The following RREB1 variants were observed in gnomAD, a reference collection of about 807,000 sequenced individuals.
RREB1 encodes the protein ras-responsive element-binding protein 1.
A neutral mutation model predicts 117.8 loss-of-function variants in RREB1; 27 were observed. That is an observed-to-expected ratio of 0.23 (90% CI 0.17 to 0.32). The LOEUF is 0.32. Among genes scored for constraint, RREB1 ranks in the 10% least tolerant of loss-of-function variants. The pLI, the probability that RREB1 is intolerant of heterozygous loss-of-function variation, is 1.00. For missense variants in RREB1, 2,577 were observed against 2,378.2 expected (o/e 1.08, Z -1.74); for synonymous variants, 1,298 against 1,026.7 (o/e 1.26, Z -5.05).
Position 7,229,254 on chromosome 6 carries a change from G to A in RREB1, c.1155G>A (p.Pro385=), listed in dbSNP as rs371245191. The change falls in exon 10 of 13, where the codon CCG becomes CCA. Residue 385 remains proline (P), a synonymous_variant. Transcript: ENST00000379938. This position sits in a 1 kb window ranked among gnomAD's most constrained non-coding sequence, Gnocchi z 4.5. ...VRPAPAEEPL[P]DDNQAIQLQT... ...CTGCCCCCGCCGAGGAGCCCCTGCC[G>A]GATGACAACCAGGCAATTCAGCTCC... The A allele has an allele frequency of 2.5e-5, 40 of 1,613,910 alleles. No homozygotes were observed. The highest frequency in any genetic ancestry group is 3.1e-5 in the Non-Finnish European group (37 of 1,179,998).
intron 6 of RREB1, among the ~76,000 whole-genome samples, chr6:7,207,345 G>A (rs2113609108): frequency 6.6e-6 from 1 of 152,320 alleles, no homozygotes; most frequent in South Asian, 2.1e-4. Context: ...CACCAACGAT[G>A]GGAGAGTACC....
chr6:7,131,908 G>A (rs993769952), intron 1 of RREB1, among the ~76,000 whole-genome samples: 1 of 151,972 alleles, frequency 6.6e-6, no homozygotes, highest in Non-Finnish European at 1.5e-5. Flanking sequence ...ATCCAGGCTG[G>A]AGTGCAGTGG....
chr6:7,231,415 G>C lies in RREB1; in HGVS notation c.3316G>C (p.Gly1106Arg), dbSNP rs147683490. The C allele has an allele frequency of 1.2e-6, 2 of 1,613,410 alleles. No individual in the cohort carries two copies. Among genetic ancestry groups the C allele is most frequent in the Non-Finnish European group, 8.5e-7 (1 of 1,179,886 alleles). The change falls in exon 10 of 13, where the codon GGT becomes CGT. Residue 1106 changes from glycine to arginine, a missense_variant. Transcript: ENST00000379938. Reference protein sequence around the residue: ...SNTTASDSLGGSVPKAATTAT... With the variant: ...SNTTASDSLGRSVPKAATTAT... ...CACCACGGCTTCAGACAGCTTAGGA[G>C]GTTCTGTCCCCAAAGCCGCCACCAC...
intron 1 of RREB1, among the ~76,000 whole-genome samples, chr6:7,167,965 G>A (rs1368529797): frequency 6.6e-6 from 1 of 151,544 alleles, no homozygotes; most frequent in Non-Finnish European, 1.5e-5. Context: ...CAAAATTTAA[G>A]ACTCCCCATG....
At chr6:7,224,873 C>T (rs1014960460) in intron 8 of RREB1, among the ~76,000 whole-genome samples, 10 of 152,076 alleles carry the variant, frequency 6.6e-5, no homozygotes, top group African/African-American at 2.2e-4. Flanking sequence ...CATGGGAACC[C>T]GGGTTTGGGG....
intron 1 of RREB1, among the ~76,000 whole-genome samples, chr6:7,128,508 C>T (rs1302305857): frequency 2.0e-5 from 3 of 152,100 alleles, no homozygotes; most frequent in African/African-American, 7.2e-5. Flanking sequence ...CTGTTATTTT[C>T]TCCTTTTTAA....
intron 12 of RREB1, 123 bp from the exon 13 acceptor site, chr6:7,248,388 G>T: frequency 3.9e-6 from 3 of 767,140 alleles, no homozygotes; most frequent in Non-Finnish European, 6.4e-6. Flanking sequence ...GCCTCTGGCT[G>T]AGTAGGACGG....
chr6:7,117,149 C>T (rs534272411), intron 1 of RREB1, among the ~76,000 whole-genome samples: 2 of 152,198 alleles, frequency 1.3e-5, no homozygotes, highest in Admixed American at 1.3e-4. Context: ...GCAGTATACA[C>T]GTGGTAATAG....
At chr6:7,174,029 CT>C (rs1764371159) in intron 1 of RREB1, among the ~76,000 whole-genome samples, 1 of 152,172 alleles carries the variant, frequency 6.6e-6, no homozygotes, top group Non-Finnish European at 1.5e-5. Flanking sequence ...CCTCCGTTGA[CT>C]TTGCGTAAAT....
Position 7,192,116 on chromosome 6 carries a change from A to ATTTTTTTTTTTTTTTTT in RREB1, c.425+2805_425+2821dup, listed in dbSNP as rs34074532. 5.2e-4 allele frequency among the ~76,000 whole-genome samples: 8 copies of ATTTTTTTTTTTTTTTTT among 15,318 alleles called. 1 individual carries two copies. Among genetic ancestry groups the ATTTTTTTTTTTTTTTTT allele is most frequent in the African/African-American group, 1.8e-3 (6 of 3,352 alleles). 10.0% of individuals were successfully genotyped at this position (15,318 alleles called of 152,430 possible). On this transcript the variant is annotated intron_variant, in intron 6 of 12. Transcript: ENST00000379938. ...AAAAGGTATTGGATTTTGTCAGATG[A>ATTTTTTTTTTTTTTTTT]TTTTTTTTTTTTTTTTTTTTTTTTT...
In RREB1 at chr6:7,229,505, A is replaced by C; in HGVS notation, c.1406A>C (p.Asp469Ala). Residue 469 changes from aspartate (D) to alanine (A), a missense_variant, in exon 10 of 13, where the codon GAC (aspartate) becomes GCC (alanine). Physicochemically the swap from Asp to Ala is moderately radical, Grantham distance 126. Transcript: ENST00000379938. This position sits in a 1 kb window ranked among gnomAD's most constrained non-coding sequence, Gnocchi z 4.5. ...GGCGAGTCGGCCATCGAGCTGGCAGACATCCAGCAAATTCTGAAGATGGCA... is the reference window on the plus strand; with the variant it reads ...GGCGAGTCGGCCATCGAGCTGGCAGCCATCCAGCAAATTCTGAAGATGGCA... ...ISGESAIELA[D>A]IQQILKMAAS... is the part of the protein sequence containing the mutation. 3.1e-6 allele frequency: 5 copies of C among 1,614,148 alleles called. No homozygotes were observed. The highest frequency in any genetic ancestry group is 4.2e-6 in the Non-Finnish European group (5 of 1,180,018).
At position 7,246,956 on chromosome 6, in the gene RREB1, G is replaced by A. The variant is rs1186352047; in HGVS notation, c.4506G>A (p.Glu1502=). The A allele has an allele frequency of 1.3e-6, 2 of 1,565,940 alleles. No homozygotes were observed. Among genetic ancestry groups the A allele is most frequent in the Non-Finnish European group, 1.7e-6 (2 of 1,156,904 alleles). ...PAPEQEEKPP[E]TPAEVVESAP... ...CTGAACAGGAGGAGAAGCCCCCCGA[G>A]ACCCCGGCAGAGGTGGTGGAGTCGG... The change falls in exon 12 of 13, where the codon GAG becomes GAA. Residue 1502 remains glutamate, a synonymous_variant. Transcript: ENST00000379938.
intron 1 of RREB1, among the ~76,000 whole-genome samples, chr6:7,126,188 G>GAT (rs1561730692): frequency 3.3e-5 from 5 of 152,072 alleles, no homozygotes; most frequent in South Asian, 2.1e-4. Context: ...TTTTAGTAGA[G>GAT]GCTGGGTTTC....
chr6:7,200,230 ATGTATGTGTG>A (rs1389577315), intron 6 of RREB1, among the ~76,000 whole-genome samples: 3 of 142,708 alleles, frequency 2.1e-5, no homozygotes, highest in African/African-American at 7.8e-5. Flanking sequence ...ATATATATAT[ATGTATGTGTG>A]TATATGTGTG....
intron 10 of RREB1, among the ~76,000 whole-genome samples, chr6:7,238,571 T>C (rs1026103272): frequency 1.1e-4 from 16 of 152,106 alleles, no homozygotes. Flanking sequence ...CCATGAACAC[T>C]GACATACTGT....
At chr6:7,226,936 G>C (rs1445882070) in intron 9 of RREB1, among the ~76,000 whole-genome samples, 1 of 152,150 alleles carries the variant, frequency 6.6e-6, no homozygotes, top group Non-Finnish European at 1.5e-5. Context: ...TTGGGTCTTT[G>C]AGGTTTAAGT....
intron 11 of RREB1, among the ~76,000 whole-genome samples, chr6:7,245,124 G>A (rs776999643): frequency 4.9e-4 from 74 of 152,336 alleles, no homozygotes; most frequent in Non-Finnish European, 1.9e-4. Flanking sequence ...GGCCGGGCAC[G>A]GTGGCTCACG....
chr6:7,235,570 A>G (rs1561802137), intron 10 of RREB1, among the ~76,000 whole-genome samples: 1 of 152,140 alleles, frequency 6.6e-6, no homozygotes, highest in Non-Finnish European at 1.5e-5. Context: ...TTTGCAAAGT[A>G]TTGGGATTTT....
rs186995014 is a variant in RREB1, at chr6:7,179,941, T to G, written c.-165-1183T>G. Among the ~76,000 whole-genome samples, 31 of 152,274 alleles carry G rather than the reference T, an allele frequency of 2.0e-4. 1 individual carries two copies. In the East Asian group the frequency reaches 5.8e-3, roughly 28 times the overall value. On this transcript the variant is annotated intron_variant, in intron 2 of 12. Transcript: ENST00000379938. ...TGCTGACATTAAGGTTGTGAGCAAC[T>G]GTGCCCGGTGTGAAGCACAATTCTT...
Sources: allele counts gnomAD v4.1 joint callset (sites outside exome capture counted in the v4.1 genomes callset), GRCh38; gene constraint gnomAD v4.1.1; non-coding constraint Gnocchi (gnomAD v3.1); transcripts MANE v1.5; gene names NCBI Gene and HGNC (gene_info 2026-07-23, HGNC 2026-07-21).